The following GOLGA2 variants were observed in gnomAD, a reference collection of about 807,000 sequenced individuals.
The protein encoded by GOLGA2 is golgin A2, also known as golgin subfamily A member 2.
A neutral mutation model predicts 148.8 loss-of-function variants in GOLGA2; 49 were observed. The observed-to-expected ratio is 0.33, with a 90% CI of 0.26 to 0.42. GOLGA2 has a LOEUF of 0.42. Among genes scored for constraint, GOLGA2 ranks in the 10% least tolerant of loss-of-function variants. GOLGA2 has a pLI of 1.00. For synonymous variants in GOLGA2, 501 were observed against 511.8 expected, an observed-to-expected ratio of 0.98 and a Z score of 0.28; for missense variants, 1,178 against 1,304.6, an observed-to-expected ratio of 0.90 and a Z score of 1.49.
chr9:128,273,982 A>T lies in GOLGA2; in HGVS notation c.85-10T>A. On this transcript the variant is annotated splice_polypyrimidine_tract_variant and intron_variant, in intron 1 of 26. Transcript: ENST00000611957. ...GCTGATATTCTCTCAACTGTGGAAA[A>T]GAAGAGCAATAATATTCATGAGATC... 1 of 1,610,242 alleles carries T rather than the reference A, an allele frequency of 6.2e-7. No homozygotes were observed. Among genetic ancestry groups the T allele is most frequent in the Non-Finnish European group, 8.5e-7 (1 of 1,177,360 alleles).
At chr9:128,263,884 C>T (rs866959326) in intron 12 of GOLGA2, among the ~76,000 whole-genome samples, 62 of 148,484 alleles carry the variant, frequency 4.2e-4, no homozygotes, top group Middle Eastern at 7.1e-3. Context: ...TGGCCGGGTG[C>T]GGTGGCTCAC....
Position 128,271,704 on chromosome 9 carries a change from C to A in GOLGA2, c.288+1081G>T, listed in dbSNP as rs1329067495. On this transcript the variant is annotated intron_variant, in intron 3 of 26. Transcript: ENST00000611957. The surrounding 1 kb of genome is among the most constrained non-coding windows in gnomAD (Gnocchi z 4.4). ...CAGCCTGGAGTCCATTTGGAACCAA[C>A]CTCCCCCCGAGCTGAGCATTTGGAA... 6.6e-6 allele frequency among the ~76,000 whole-genome samples: 1 copy of A among 152,150 alleles called. No homozygotes were observed. Among genetic ancestry groups the A allele is most frequent in the East Asian group, 1.9e-4 (1 of 5,198 alleles).
intron 3 of GOLGA2, among the ~76,000 whole-genome samples, chr9:128,272,224 C>A (rs1373493446): frequency 4.0e-5 from 6 of 151,762 alleles, no homozygotes; most frequent in Non-Finnish European, 7.4e-5. Context: ...TGGCTCACGC[C>A]TGTAATCCCA....
chr9:128,262,897 C>T, intron 13 of GOLGA2, 137 bp downstream of exon 13: 1 of 801,996 alleles, frequency 1.2e-6, no homozygotes, highest in South Asian at 1.4e-5. Context: ...AGTGGCACAG[C>T]TGGCACTAGA....
chr9:128,267,923 T>C lies in GOLGA2; in HGVS notation c.501+11A>G, dbSNP rs759560525. 8 of 1,603,972 alleles carry C rather than the reference T, an allele frequency of 5.0e-6. No individual in the cohort carries two copies. The South Asian group carries it at 7.7e-5, about 15-fold the overall frequency. On this transcript the variant is annotated intron_variant, in intron 6 of 26. Coordinates refer to ENST00000611957, the MANE Select transcript of GOLGA2 (RefSeq NM_001366244.2). ...CCCCCACCCCGCTCTCGGCCTCAGT[T>C]CCTGAGGTACCTCACAAACAAGACC... is the stretch of plus-strand genomic sequence containing the variant.
intron 6 of GOLGA2, 37 bp downstream of exon 6, chr9:128,267,897 C>A: frequency 1.4e-6 from 2 of 1,473,724 alleles, no homozygotes; most frequent in South Asian, 1.1e-5. Context: ...TAGTTCCCTT[C>A]CCCCCACCCC....
chr9:128,262,989 T>G (rs747486916), intron 13 of GOLGA2, 45 bp downstream of exon 13: 29 of 1,019,474 alleles, frequency 2.8e-5, no homozygotes, highest in Non-Finnish European at 4.0e-5. Flanking sequence ...ACACCACCCA[T>G]GCTGAGGGCC....
chr9:128,256,436 T>G lies in GOLGA2; in HGVS notation c.*631A>C, dbSNP rs1829865424. 1 of 152,370 alleles carries G rather than the reference T, an allele frequency of 6.6e-6. No homozygotes were observed. The highest frequency in any genetic ancestry group is 2.4e-5 in the African/African-American group (1 of 41,446). 9.4% of individuals were successfully genotyped at this position (152,370 alleles called of 1,614,324 possible). ...TGGGGGCGGAGCCTCCGGCCCCACT[T>G]CTCCAGGCTTTGCTGACAGTGGCCT... On this transcript the variant is annotated 3_prime_UTR_variant, in exon 27 of 27. Coordinates refer to ENST00000611957, the MANE Select transcript of GOLGA2 (RefSeq NM_001366244.2).
chr9:128,274,269 G>C (rs1003271700), intron 1 of GOLGA2, among the ~76,000 whole-genome samples: 1 of 152,190 alleles, frequency 6.6e-6, no homozygotes, highest in East Asian at 1.9e-4. Context: ...TCTCATCCCA[G>C]AAACGGGATG....
In GOLGA2 at chr9:128,266,999, G is replaced by A. The variant is rs1830630589; in HGVS notation, c.642+195C>T. ...AGGGGTGTCTAGAGAAGAGAGAGTA[G>A]GCAAAGAGGGCAGCAACAGAAGAGC... On this transcript the variant is annotated intron_variant, in intron 8 of 26. Transcript: ENST00000611957. This position sits in a 1 kb window ranked among gnomAD's most constrained non-coding sequence, Gnocchi z 4.2. The A allele has an allele frequency of 1.6e-6, 1 of 631,000 alleles. No homozygotes were observed. Among genetic ancestry groups the A allele is most frequent in the African/African-American group, 1.8e-5 (1 of 54,240 alleles). The allele number at this position is 631,000 out of a possible 1,614,324, so 39.1% of individuals were successfully genotyped here.
chr9:128,272,063 C>T (rs1326659435), intron 3 of GOLGA2, among the ~76,000 whole-genome samples: 1 of 148,964 alleles, frequency 6.7e-6, no homozygotes, highest in East Asian at 2.0e-4. Flanking sequence ...AAAACACTAA[C>T]TTCTAGGTGG....
Position 128,261,037 on chromosome 9 carries a change from G to C in GOLGA2, c.1420+135C>G. ...GAGGCTCATGGAGATGACGAGACTT[G>C]CCATCTCCTGGCACAGACCTCTTTC... On this transcript the variant is annotated intron_variant, in intron 17 of 26. Transcript: ENST00000611957. The surrounding 1 kb of genome is among the most constrained non-coding windows in gnomAD (Gnocchi z 5.7). 2 of 743,332 alleles carry C rather than the reference G, an allele frequency of 2.7e-6. No individual in the cohort carries two copies. 46.0% of individuals were successfully genotyped at this position (743,332 alleles called of 1,614,324 possible). A position where few individuals can be genotyped will look rare whatever the true frequency, so the allele number is the denominator to read the frequency against.
At chr9:128,274,021 A>C (rs763786521) in intron 1 of GOLGA2, 49 bp from the exon 2 acceptor site, 1 of 1,576,234 alleles carries the variant, frequency 6.3e-7, no homozygotes, top group Non-Finnish European at 8.7e-7. Context: ...AAGCCCCCAC[A>C]GTTACATCCT....
Position 128,261,974 on chromosome 9 carries a change from TG to T in GOLGA2, c.1135-218del. On this transcript the variant is annotated intron_variant, in intron 14 of 26. Transcript: ENST00000611957. This position sits in a 1 kb window ranked among gnomAD's most constrained non-coding sequence, Gnocchi z 5.7. ...ATCTCAACACTTTGGGAGGCTGAGG[TG>T]GGTGGATTGCTTGAGCTCAGGAGTT... 1.9e-6 allele frequency: 1 copy of T among 536,042 alleles called. No homozygotes were observed. The highest frequency in any genetic ancestry group is 3.3e-6 in the Non-Finnish European group (1 of 300,730). The allele number at this position is 536,042 out of a possible 1,614,324, so 33.2% of individuals were successfully genotyped here.
chr9:128,264,410 ATTATTTATTTATTTAT>A (rs145554370), intron 12 of GOLGA2, among the ~76,000 whole-genome samples: 2 of 146,206 alleles, frequency 1.4e-5, no homozygotes, highest in South Asian at 2.3e-4. Context: ...AATTTTTGTT[ATTATTTATTTATTTAT>A]TTATTTATTT....
intron 12 of GOLGA2, among the ~76,000 whole-genome samples, chr9:128,263,777 T>C (rs1437648404): frequency 6.6e-6 from 1 of 151,872 alleles, no homozygotes; most frequent in Non-Finnish European, 1.5e-5. Context: ...TGGTCTTGAC[T>C]CCTGACCTCA....
Position 128,267,971 on chromosome 9 carries a change from C to T in GOLGA2, c.464G>A (p.Arg155Gln), listed in dbSNP as rs369039971. Residue 155 changes from arginine to glutamine, a missense_variant, in exon 6 of 27, where the codon CGA (arginine) becomes CAA (glutamine). Transcript: ENST00000611957. ...ACCATTGAGCTGTTGGGAGAGTTGT[C>T]GCAGGCTCTCGGTTGATGAGAAAGT... ...TKTFSSTESL[R>Q]QLSQQLNGLV... The T allele has an allele frequency of 1.1e-5, 18 of 1,612,284 alleles. No homozygotes were observed. Among genetic ancestry groups the T allele is most frequent in the African/African-American group, 5.3e-5 (4 of 74,810 alleles).
chr9:128,264,116 G>A (rs1199441660), intron 12 of GOLGA2, among the ~76,000 whole-genome samples: 2 of 150,802 alleles, frequency 1.3e-5, no homozygotes, highest in Admixed American at 6.6e-5. Context: ...AGTGAGCCGA[G>A]ATGGTGCCAC....
intron 14 of GOLGA2, among the ~76,000 whole-genome samples, chr9:128,262,274 A>G (rs1435283273): frequency 1.3e-5 from 2 of 152,092 alleles, no homozygotes; most frequent in Non-Finnish European, 2.9e-5. Context: ...CTCATGAGCT[A>G]GCCATATAAA....
Sources: gnomAD v4.1 joint callset for allele counts (sites outside exome capture counted in the v4.1 genomes callset) on GRCh38, gnomAD v4.1.1 for gene constraint, Gnocchi (gnomAD v3.1) non-coding constraint, MANE v1.5 for transcripts, NCBI Gene and HGNC (gene_info 2026-07-23, HGNC 2026-07-21) for gene names.